The following MALRD1 variants were observed in gnomAD, a reference collection of about 807,000 sequenced individuals.
The protein encoded by MALRD1 is MAM and LDL receptor class A domain containing 1, also known as MAM and LDL-receptor class A domain-containing protein 1.
MALRD1 carries 247 observed loss-of-function variants against 242.1 expected under a neutral mutation model. The observed-to-expected ratio is 1.02, with a 90% CI of 0.92 to 1.13. MALRD1 has a LOEUF of 1.13. Among genes scored for constraint, MALRD1 ranks in the 50% most tolerant of loss-of-function variants. MALRD1 has a pLI of 0.00. For missense variants in MALRD1, 2,989 were observed against 2,533.1 expected (o/e 1.18, Z -3.86); for synonymous variants, 995 against 866.6 (o/e 1.15, Z -2.60).
intron 14 of MALRD1, among the ~76,000 whole-genome samples, chr10:19,187,242 C>T (rs1835780025): frequency 6.6e-6 from 1 of 151,934 alleles, no homozygotes; most frequent in Admixed American, 6.6e-5. Flanking sequence ...GACAGACTGA[C>T]CCTTATAATG....
At chr10:19,153,307 C>T (rs1243345804) in intron 11 of MALRD1, among the ~76,000 whole-genome samples, 1 of 152,152 alleles carries the variant, frequency 6.6e-6, no homozygotes, top group Non-Finnish European at 1.5e-5. Context: ...CTATTTTCAT[C>T]CATTTTATTA....
chr10:19,134,445 T>C (rs1286422312), intron 9 of MALRD1, among the ~76,000 whole-genome samples: 2 of 152,224 alleles, frequency 1.3e-5, no homozygotes, highest in African/African-American at 2.4e-5. Flanking sequence ...TTGGTGCAAA[T>C]GTAATTGCAG....
chr10:19,489,204 A>T, intron 29 of MALRD1: 1 of 473,186 alleles, frequency 2.1e-6, no homozygotes, highest in Non-Finnish European at 4.3e-6. Flanking sequence ...GTGCAGGCGA[A>T]GCCGAAAAAG....
rs1030397559 is a variant in MALRD1 at position 19,186,617 on chromosome 10, G to A, written c.1951+11289G>A. Among the ~76,000 whole-genome samples the A allele has an allele frequency of 2.0e-5, 3 of 152,172 alleles. No individual in the cohort carries two copies. In the South Asian group the frequency reaches 6.2e-4, roughly 31 times the overall value. ...AAAGCCTTTTTCTATAATTATTTAAGATTAAGTTTCAATACATTAGATTAT... is the reference window on the plus strand; with the variant it reads ...AAAGCCTTTTTCTATAATTATTTAAAATTAAGTTTCAATACATTAGATTAT... On this transcript the variant is annotated intron_variant, in intron 14 of 39. Transcript: ENST00000454679.
At chr10:19,331,676 G>T in intron 24 of MALRD1, 94 bp downstream of exon 24, 1 of 959,140 alleles carries the variant, frequency 1.0e-6, no homozygotes, top group Non-Finnish European at 1.6e-6. Context: ...CAGAGTGTGT[G>T]TATCTCAACA....
chr10:19,338,169 C>G (rs191683040), intron 24 of MALRD1, among the ~76,000 whole-genome samples: 1 of 152,010 alleles, frequency 6.6e-6, no homozygotes, highest in Admixed American at 6.6e-5. Flanking sequence ...CCTACAATGA[C>G]ACATCATTAA....
chr10:19,138,358 G>C (rs1449260298), intron 10 of MALRD1, among the ~76,000 whole-genome samples: 4 of 151,146 alleles, frequency 2.6e-5, no homozygotes, highest in Non-Finnish European at 5.9e-5. Context: ...CTTTCTAACA[G>C]TTTCTATAAT....
At chr10:19,608,930 C>G (rs1838761018) in intron 35 of MALRD1, among the ~76,000 whole-genome samples, 2 of 152,024 alleles carry the variant, frequency 1.3e-5, no homozygotes, top group African/African-American at 4.8e-5. Context: ...GTATTATTTT[C>G]TTTCCAGAGA....
chr10:19,497,415 T>C (rs1048888909), intron 30 of MALRD1, among the ~76,000 whole-genome samples: 1 of 151,756 alleles, frequency 6.6e-6, no homozygotes, highest in Admixed American at 6.6e-5. Context: ...GAAAGGAATG[T>C]ACATGAATAC....
At position 19,734,315 on chromosome 10, in the gene MALRD1, C is replaced by T; in HGVS notation, c.*78C>T. The T allele has an allele frequency of 8.7e-7, 1 of 1,153,654 alleles. No homozygotes were observed. The allele number at this position is 1,153,654 out of a possible 1,614,324, so 71.5% of individuals were successfully genotyped here. ...TCTCCACAATCTGATAGAAACTCAT[C>T]TTCTACAATGGTAAAAAGAGAAAGG... On this transcript the variant is annotated 3_prime_UTR_variant, in exon 40 of 40. Transcript: ENST00000454679.
intron 17 of MALRD1, among the ~76,000 whole-genome samples, chr10:19,208,848 A>G (rs913516381): frequency 2.0e-5 from 3 of 152,140 alleles, no homozygotes; most frequent in Admixed American, 2.0e-4. Flanking sequence ...TCTGGAGATG[A>G]ATTCTGGGCT....
chr10:19,293,939 T>A (rs1384019872), intron 21 of MALRD1, among the ~76,000 whole-genome samples: 1 of 152,086 alleles, frequency 6.6e-6, no homozygotes, highest in Admixed American at 6.6e-5. Context: ...TCGCTTGAGG[T>A]ACATGGGATT....
chr10:19,209,118 AC>A (rs1445519995), intron 17 of MALRD1, 149 bp from the exon 18 acceptor site: 1 of 587,316 alleles, frequency 1.7e-6, no homozygotes, highest in Non-Finnish European at 2.7e-6. Flanking sequence ...TTTAAAAAAA[AC>A]ACTTCAGTGT....
intron 26 of MALRD1, among the ~76,000 whole-genome samples, chr10:19,378,742 G>A (rs566242622): frequency 1.3e-5 from 2 of 152,154 alleles, no homozygotes; most frequent in South Asian, 4.1e-4. Context: ...AAAATTTTGT[G>A]CCTATGTTCA....
At chr10:19,651,444 C>T (rs1220741952) in intron 36 of MALRD1, among the ~76,000 whole-genome samples, 2 of 152,144 alleles carry the variant, frequency 1.3e-5, no homozygotes, top group Non-Finnish European at 1.5e-5. Context: ...ACATATTATT[C>T]TTATTTTAAA....
intron 26 of MALRD1, among the ~76,000 whole-genome samples, chr10:19,355,822 A>G (rs1844603673): frequency 8.7e-6 from 1 of 115,490 alleles, no homozygotes; most frequent in Non-Finnish European, 1.9e-5. Context: ...GGAGTCTGAT[A>G]TTTTTAGGGA....
At chr10:19,579,172 A>G (rs199640321) in intron 33 of MALRD1, among the ~76,000 whole-genome samples, 1 of 152,188 alleles carries the variant, frequency 6.6e-6, no homozygotes, top group South Asian at 2.1e-4. Context: ...TTATGGTATC[A>G]CAGCCACTTG....
chr10:19,556,396 T>G (rs993366594), intron 32 of MALRD1, among the ~76,000 whole-genome samples: 5 of 152,122 alleles, frequency 3.3e-5, no homozygotes, highest in Non-Finnish European at 5.9e-5. Context: ...CAGAGTAGTT[T>G]CACTGCCCTA....
intron 21 of MALRD1, among the ~76,000 whole-genome samples, chr10:19,307,316 A>T (rs1361580926): frequency 2.0e-5 from 3 of 151,478 alleles, no homozygotes; most frequent in African/African-American, 7.3e-5. Context: ...TCTGCCTGAC[A>T]CTACTGCCTT....
Sources: allele counts gnomAD v4.1 joint callset (sites outside exome capture counted in the v4.1 genomes callset), GRCh38; gene constraint gnomAD v4.1.1; transcripts MANE v1.5; gene names NCBI Gene and HGNC (gene_info 2026-07-23, HGNC 2026-07-21).